Variants in DLG2 observed in about 807,000 individuals in gnomAD.
DLG2 encodes discs large MAGUK scaffold protein 2, also known as disks large homolog 2.
Under a neutral mutation model 132.5 loss-of-function variants are expected in DLG2, and 45 were observed. The ratio of observed to expected loss-of-function variants is 0.34; its 90% CI spans 0.27 to 0.44. The LOEUF (loss-of-function observed/expected upper bound fraction) is 0.44, where lower values mean the gene tolerates loss of function less well. DLG2 is among the 20% of genes least tolerant of loss of function. The pLI is 1.00. For synonymous variants in DLG2, 424 were observed against 419.6 expected, an observed-to-expected ratio of 1.01 and a Z score of -0.13; for missense variants, 1,045 against 1,196.9, an observed-to-expected ratio of 0.87 and a Z score of 1.87.
intron 4 of DLG2, among the ~76,000 whole-genome samples, chr11:85,171,040 C>T (rs2078828442): frequency 6.6e-6 from 1 of 151,948 alleles, no homozygotes; most frequent in African/African-American, 2.4e-5. Context: ...AACCGGAAGA[C>T]ACCATAGTAA....
At chr11:84,460,074 G>A (rs988499657) in intron 7 of DLG2, among the ~76,000 whole-genome samples, 23 of 150,606 alleles carry the variant, frequency 1.5e-4, no homozygotes, top group African/African-American at 5.1e-4. Context: ...TGTCAGGAAT[G>A]AGTTTTAAAT....
chr11:84,696,259 T>C (rs2153732915), intron 6 of DLG2, among the ~76,000 whole-genome samples: 1 of 151,668 alleles, frequency 6.6e-6, no homozygotes, highest in South Asian at 2.1e-4. Flanking sequence ...CCCCTTACTA[T>C]TTGCCATGCA....
chr11:84,492,085 G>T (rs1265544297), intron 7 of DLG2, among the ~76,000 whole-genome samples: 2 of 152,036 alleles, frequency 1.3e-5, no homozygotes. Context: ...AAAATAGAGT[G>T]TTGATTTAAT....
chr11:84,967,006 G>A (rs1186823645), intron 6 of DLG2, among the ~76,000 whole-genome samples: 2 of 152,084 alleles, frequency 1.3e-5, no homozygotes, highest in African/African-American at 4.8e-5. Context: ...CTGAGGTGAT[G>A]GCTGGACCTA....
intron 8 of DLG2, among the ~76,000 whole-genome samples, chr11:84,185,845 T>C (rs1026899982): frequency 6.6e-6 from 1 of 152,202 alleles, no homozygotes; most frequent in Non-Finnish European, 1.5e-5. Flanking sequence ...GAAATGTTTC[T>C]AAGGCAAGAC....
chr11:84,204,237 G>C (rs989555480), intron 8 of DLG2, among the ~76,000 whole-genome samples: 1 of 152,176 alleles, frequency 6.6e-6, no homozygotes, highest in African/African-American at 2.4e-5. Flanking sequence ...GATTACAGGC[G>C]TAAGCCACCG....
At chr11:84,271,782 T>C (rs1372702591) in intron 7 of DLG2, among the ~76,000 whole-genome samples, 2 of 151,970 alleles carry the variant, frequency 1.3e-5, no homozygotes, top group Admixed American at 1.3e-4. Flanking sequence ...AGTAACAATA[T>C]AATTAGAGAG....
intron 11 of DLG2, among the ~76,000 whole-genome samples, chr11:84,009,560 T>C (rs2094769591): frequency 6.6e-6 from 1 of 152,070 alleles, no homozygotes; most frequent in Non-Finnish European, 1.5e-5. Context: ...AAAGTGAGTT[T>C]TTATTTGATT....
At chr11:84,664,295 A>G (rs1595212392) in intron 6 of DLG2, among the ~76,000 whole-genome samples, 1 of 152,146 alleles carries the variant, frequency 6.6e-6, no homozygotes, top group Non-Finnish European at 1.5e-5. Flanking sequence ...ACAAAACAAA[A>G]CAAAACAAAA....
intron 6 of DLG2, among the ~76,000 whole-genome samples, chr11:84,666,722 T>C (rs2099700147): frequency 6.6e-6 from 1 of 152,014 alleles, no homozygotes; most frequent in South Asian, 2.1e-4. Context: ...AAATATATAT[T>C]TATATTTAAA....
In DLG2 at chr11:84,073,000, T is replaced by C. The variant is rs202226154; in HGVS notation, c.750-13516A>G. 1.6e-3 allele frequency among the ~76,000 whole-genome samples: 251 copies of C among 152,328 alleles called. 1 individual carries two copies. The highest frequency in any genetic ancestry group is 5.8e-3 in the African/African-American group (243 of 41,578). ...AGGAAGAAAATGTTTTGTTTAAATG[T>C]CTGTCTTCACTTATAAATCATAAGT... is the stretch of plus-strand genomic sequence containing the variant. On this transcript the variant is annotated intron_variant, in intron 10 of 27. Transcript: ENST00000376104.
intron 26 of DLG2, among the ~76,000 whole-genome samples, chr11:83,465,362 G>A (rs1464989028): frequency 1.3e-5 from 2 of 152,178 alleles, no homozygotes; most frequent in Non-Finnish European, 2.9e-5. Context: ...AGGAGACACA[G>A]AACAGTTAAT....
intron 7 of DLG2, among the ~76,000 whole-genome samples, chr11:84,257,976 C>A (rs541210348): frequency 2.6e-5 from 4 of 152,044 alleles, no homozygotes; most frequent in Non-Finnish European, 5.9e-5. Flanking sequence ...TGTGGGCCAC[C>A]GCACCCAGCC....
At chr11:84,633,343 T>C (rs952542037) in intron 6 of DLG2, among the ~76,000 whole-genome samples, 1 of 152,142 alleles carries the variant, frequency 6.6e-6, no homozygotes, top group African/African-American at 2.4e-5. Context: ...GCCATTACCA[T>C]GACTTCTCTG....
intron 18 of DLG2, among the ~76,000 whole-genome samples, chr11:83,692,464 T>A (rs900027958): frequency 6.6e-5 from 10 of 152,152 alleles, no homozygotes; most frequent in African/African-American, 2.4e-4. Context: ...AATAGATTGA[T>A]GGTGCCTAGG....
At chr11:84,472,076 G>A (rs1224401395) in intron 7 of DLG2, among the ~76,000 whole-genome samples, 1 of 151,840 alleles carries the variant, frequency 6.6e-6, no homozygotes, top group Non-Finnish European at 1.5e-5. Flanking sequence ...CAAATCAAGT[G>A]TAGCCATGTG....
intron 11 of DLG2, among the ~76,000 whole-genome samples, chr11:83,996,012 G>C (rs2094001897): frequency 6.6e-6 from 1 of 151,972 alleles, no homozygotes; most frequent in Non-Finnish European, 1.5e-5. Context: ...GATAGTAAAG[G>C]AAACAATCAA....
chr11:84,080,015 C>T (rs907556453), intron 10 of DLG2, among the ~76,000 whole-genome samples: 4 of 152,194 alleles, frequency 2.6e-5, no homozygotes, highest in Admixed American at 2.0e-4. Flanking sequence ...CAGCCTTTCA[C>T]AGCACTACGT....
intron 6 of DLG2, among the ~76,000 whole-genome samples, chr11:84,905,993 C>G (rs1453338040): frequency 1.3e-5 from 2 of 152,126 alleles, no homozygotes; most frequent in Admixed American, 1.3e-4. Context: ...GTATAAACCT[C>G]ATCTGGCAGT....
Sources: gnomAD v4.1 joint callset for allele counts (sites outside exome capture counted in the v4.1 genomes callset) on GRCh38, gnomAD v4.1.1 for gene constraint, MANE v1.5 for transcripts, NCBI Gene and HGNC (gene_info 2026-07-23, HGNC 2026-07-21) for gene names.